Variants in CSMD2 observed in about 807,000 individuals in gnomAD.
The protein encoded by CSMD2 is CUB and Sushi multiple domains 2, also known as CUB and sushi domain-containing protein 2.
In CSMD2, 130 loss-of-function variants were observed where a neutral mutation model predicts 398.5. That is an observed-to-expected ratio of 0.33 (90% CI 0.28 to 0.38). The LOEUF (loss-of-function observed/expected upper bound fraction) is 0.38, where lower values mean the gene tolerates loss of function less well. CSMD2 is among the 10% of genes least tolerant of loss of function. The probability of loss-of-function intolerance (pLI) is 1.00; values close to 1 mark genes in which losing one functional copy is unlikely to be tolerated. For missense variants in CSMD2, 3,829 were observed against 4,764.9 expected (o/e 0.80, Z 5.78); for synonymous variants, 1,828 against 1,908.5 (o/e 0.96, Z 1.10).
chr1:34,004,480 T>A (rs1646999631), intron 3 of CSMD2, among the ~76,000 whole-genome samples: 2 of 152,192 alleles, frequency 1.3e-5, no homozygotes. Context: ...TGTTTGTTTT[T>A]GTTTTTTGCC....
chr1:33,733,472 C>A (rs1207169033), intron 15 of CSMD2, among the ~76,000 whole-genome samples: 1 of 152,196 alleles, frequency 6.6e-6, no homozygotes, highest in Non-Finnish European at 1.5e-5. Flanking sequence ...GTTTCTTCAT[C>A]TGTGAAGTGA....
At chr1:33,925,721 C>T (rs1644105370) in intron 4 of CSMD2, among the ~76,000 whole-genome samples, 3 of 152,160 alleles carry the variant, frequency 2.0e-5, no homozygotes, top group South Asian at 4.2e-4. Context: ...CCATCAATAA[C>T]CCCCATTGTC....
At chr1:34,110,887 T>C (rs1661016374) in intron 1 of CSMD2, among the ~76,000 whole-genome samples, 1 of 151,950 alleles carries the variant, frequency 6.6e-6, no homozygotes, top group East Asian at 1.9e-4. Context: ...TACCCCTGAA[T>C]CTAAAATAAA....
intron 6 of CSMD2, among the ~76,000 whole-genome samples, chr1:33,833,387 C>T (rs867608749): frequency 6.7e-6 from 1 of 149,728 alleles, no homozygotes; most frequent in African/African-American, 2.5e-5. Context: ...ATAAACAGAG[C>T]CAAAGACAAA....
intron 20 of CSMD2, 85 bp downstream of exon 20, chr1:33,716,201 G>T (rs1434953039): frequency 2.6e-6 from 3 of 1,156,666 alleles, no homozygotes; most frequent in Non-Finnish European, 3.8e-6. Flanking sequence ...ATATCTATCT[G>T]CTAGGAAAAC....
intron 5 of CSMD2, among the ~76,000 whole-genome samples, chr1:33,888,166 T>C (rs1360053057): frequency 6.6e-6 from 1 of 152,200 alleles, no homozygotes; most frequent in Non-Finnish European, 1.5e-5. Flanking sequence ...GAATATTTAC[T>C]GTAAAAATTT....
chr1:33,729,631 TC>T (rs1646657546), intron 15 of CSMD2, among the ~76,000 whole-genome samples: 1 of 147,600 alleles, frequency 6.8e-6, no homozygotes. Flanking sequence ...CCCTCCCCCC[TC>T]CCCCCACCCC....
chr1:33,737,959 G>A (rs1301441698), intron 15 of CSMD2, among the ~76,000 whole-genome samples: 1 of 151,824 alleles, frequency 6.6e-6, no homozygotes, highest in Non-Finnish European at 1.5e-5. Context: ...AAGGCTCAAG[G>A]GGAAAAGTGA....
At chr1:34,043,560 C>A (rs1652122183) in intron 2 of CSMD2, among the ~76,000 whole-genome samples, 1 of 152,182 alleles carries the variant, frequency 6.6e-6, no homozygotes, top group African/African-American at 2.4e-5. Flanking sequence ...AACCTTTTCA[C>A]TATATCACTA....
At chr1:33,906,930 G>C (rs562190333) in intron 5 of CSMD2, among the ~76,000 whole-genome samples, 52 of 152,144 alleles carry the variant, frequency 3.4e-4, no homozygotes, top group African/African-American at 1.2e-3. Context: ...GATCCAAGAA[G>C]AATCAGAAAG....
chr1:33,685,824 C>T (rs1645046997), intron 25 of CSMD2, among the ~76,000 whole-genome samples: 1 of 152,212 alleles, frequency 6.6e-6, no homozygotes. Context: ...GTCTGTTTGA[C>T]TATTTCCCCA....
chr1:33,928,217 T>C (rs983635177), intron 4 of CSMD2, among the ~76,000 whole-genome samples: 1 of 152,166 alleles, frequency 6.6e-6, no homozygotes, highest in Non-Finnish European at 1.5e-5. Context: ...GAATCCTGGC[T>C]CCACCACTCT....
chr1:34,125,364 C>A (rs1235208239), intron 1 of CSMD2, among the ~76,000 whole-genome samples: 1 of 152,182 alleles, frequency 6.6e-6, no homozygotes, highest in African/African-American at 2.4e-5. Flanking sequence ...GGAAGGTTAG[C>A]CCTTGGCCAG....
chr1:33,647,879 A>G (rs1429021027), intron 28 of CSMD2, among the ~76,000 whole-genome samples: 1 of 152,252 alleles, frequency 6.6e-6, no homozygotes, highest in Non-Finnish European at 1.5e-5. Context: ...CATCAGTTGG[A>G]GAGGAAAAAA....
intron 56 of CSMD2, among the ~76,000 whole-genome samples, chr1:33,548,102 A>T (rs926504287): frequency 6.6e-6 from 1 of 152,166 alleles, no homozygotes; most frequent in Non-Finnish European, 1.5e-5. Flanking sequence ...TTCTGCCATG[A>T]TTGTAAGTTT....
At chr1:34,076,922 A>T (rs1215171978) in intron 2 of CSMD2, among the ~76,000 whole-genome samples, 16 of 107,132 alleles carry the variant, frequency 1.5e-4, no homozygotes, top group South Asian at 6.7e-4. Flanking sequence ...AAAAAAAAAA[A>T]AAAAAAATAT....
At chr1:33,811,782 C>T (rs1333990736) in intron 9 of CSMD2, among the ~76,000 whole-genome samples, 1 of 152,196 alleles carries the variant, frequency 6.6e-6, no homozygotes, top group Non-Finnish European at 1.5e-5. Flanking sequence ...TAGTTCTAGC[C>T]ACTTCATTCT....
chr1:34,026,681 G>A (rs558510735), intron 3 of CSMD2, among the ~76,000 whole-genome samples: 1 of 152,240 alleles, frequency 6.6e-6, no homozygotes, highest in African/African-American at 2.4e-5. Flanking sequence ...CTTACCTGGC[G>A]ATCAGTCTGG....
At chr1:33,908,535 T>C (rs1262741392) in intron 5 of CSMD2, among the ~76,000 whole-genome samples, 2 of 152,240 alleles carry the variant, frequency 1.3e-5, no homozygotes, top group Non-Finnish European at 2.9e-5. Flanking sequence ...GTCAGACCCA[T>C]GGGGGGCAGG....
Sources: gnomAD v4.1 joint callset for allele counts (sites outside exome capture counted in the v4.1 genomes callset) on GRCh38, gnomAD v4.1.1 for gene constraint, MANE v1.5 for transcripts, NCBI Gene and HGNC (gene_info 2026-07-23, HGNC 2026-07-21) for gene names.